ENTREP2: variants seen among roughly 807,000 people sequenced by gnomAD.
The protein encoded by ENTREP2 is protein ENTREP2.
the ENTREP2 span, among the ~76,000 whole-genome samples, chr15:29,413,105 A>G: frequency 3.3e-5 from 5 of 152,066 alleles, no homozygotes; most frequent in Non-Finnish European, 2.9e-5. Flanking sequence ...TTCTAACTTA[A>G]TTAAATTGTG....
the ENTREP2 span, among the ~76,000 whole-genome samples, chr15:29,202,879 C>CTT: frequency 6.6e-6 from 1 of 152,204 alleles, no homozygotes; most frequent in Non-Finnish European, 1.5e-5. Context: ...TTTATCCAGT[C>CTT]TATCATTGAT....
At chr15:29,312,091 A>C in the ENTREP2 span, among the ~76,000 whole-genome samples, 4 of 152,222 alleles carry the variant, frequency 2.6e-5, no homozygotes, top group Admixed American at 2.6e-4. Context: ...ACACATACCT[A>C]ACCTCAAAAG....
the ENTREP2 span, among the ~76,000 whole-genome samples, chr15:29,413,690 C>T: frequency 1.3e-5 from 2 of 152,140 alleles, no homozygotes; most frequent in South Asian, 4.1e-4. Flanking sequence ...ACCAAATTTT[C>T]TTACAGCTTT....
At chr15:29,171,242 T>C in the ENTREP2 span, among the ~76,000 whole-genome samples, 1 of 152,340 alleles carries the variant, frequency 6.6e-6, no homozygotes, top group East Asian at 1.9e-4. Flanking sequence ...CAGCCTGAAC[T>C]GATTAAGACA....
chr15:29,336,876 T>A, the ENTREP2 span, among the ~76,000 whole-genome samples: 1 of 151,952 alleles, frequency 6.6e-6, no homozygotes, highest in African/African-American at 2.4e-5. Flanking sequence ...TAATACCCCC[T>A]CCATCCCCAG....
At chr15:29,183,478 C>A in the ENTREP2 span, among the ~76,000 whole-genome samples, 1 of 152,288 alleles carries the variant, frequency 6.6e-6, no homozygotes, top group Non-Finnish European at 1.5e-5. Context: ...GCCGAGTGCA[C>A]ATCACTCCGC....
At chr15:29,150,899 CAGAG>C in the ENTREP2 span, among the ~76,000 whole-genome samples, 2 of 152,036 alleles carry the variant, frequency 1.3e-5, no homozygotes, top group African/African-American at 4.8e-5. Context: ...AATTGAGAGA[CAGAG>C]AGACAGAAAG....
chr15:29,344,931 G>GACACACACACACACAC, the ENTREP2 span, among the ~76,000 whole-genome samples: 31 of 142,604 alleles, frequency 2.2e-4, no homozygotes, highest in African/African-American at 7.4e-4. Flanking sequence ...CACGCGCGCA[G>GACACACACACACACAC]ACACACACAC....
At chr15:29,333,435 T>C in the ENTREP2 span, among the ~76,000 whole-genome samples, 1 of 151,876 alleles carries the variant, frequency 6.6e-6, no homozygotes, top group Non-Finnish European at 1.5e-5. Flanking sequence ...CCCGCCCCAC[T>C]TGACACAGGC....
chr15:29,626,196 T>A, the ENTREP2 span, among the ~76,000 whole-genome samples: 2 of 152,130 alleles, frequency 1.3e-5, no homozygotes, highest in African/African-American at 4.8e-5. Flanking sequence ...AACTTTGCTA[T>A]ACTCACTTAG....
chr15:29,533,323 C>T, the ENTREP2 span, among the ~76,000 whole-genome samples: 5 of 152,256 alleles, frequency 3.3e-5, no homozygotes, highest in Admixed American at 1.3e-4. Context: ...ATAAAAATTA[C>T]GCATTTTGGT....
the ENTREP2 span, among the ~76,000 whole-genome samples, chr15:29,224,051 A>G: frequency 7.4e-3 from 1,131 of 152,234 alleles, 10 homozygotes; most frequent in African/African-American, 0.026. Flanking sequence ...GGACCCTCAC[A>G]CTGAGTGTTA....
At chr15:29,195,461 T>G in the ENTREP2 span, 2 of 245,480 alleles carry the variant, frequency 8.1e-6, no homozygotes, top group African/African-American at 4.6e-5. Context: ...CCCTCCATAC[T>G]GCAAACACAA....
At chr15:29,147,301 T>C in the ENTREP2 span, among the ~76,000 whole-genome samples, 2 of 152,224 alleles carry the variant, frequency 1.3e-5, no homozygotes, top group African/African-American at 4.8e-5. Flanking sequence ...ATGTTCACCA[T>C]CATTAATTAT....
At chr15:29,591,832 G>GAGGAGA in the ENTREP2 span, among the ~76,000 whole-genome samples, 17 of 140,096 alleles carry the variant, frequency 1.2e-4, no homozygotes, top group Non-Finnish European at 2.0e-4. Flanking sequence ...CATCTCAAAA[G>GAGGAGA]AGAAGAAGAA....
At chr15:29,370,010 C>T in the ENTREP2 span, among the ~76,000 whole-genome samples, 3 of 152,050 alleles carry the variant, frequency 2.0e-5, no homozygotes, top group Non-Finnish European at 2.9e-5. Context: ...AACATCCCAG[C>T]CTGCAGAACC....
chr15:29,412,386 A>G, the ENTREP2 span, among the ~76,000 whole-genome samples: 1 of 152,152 alleles, frequency 6.6e-6, no homozygotes, highest in African/African-American at 2.4e-5. Flanking sequence ...GCTGAAGTAT[A>G]AAGATACAAT....
the ENTREP2 span, among the ~76,000 whole-genome samples, chr15:29,320,833 G>A: frequency 1.1e-4 from 16 of 151,926 alleles, no homozygotes; most frequent in Non-Finnish European, 1.5e-4. Context: ...AAACTAAAGT[G>A]CAAGAAAGAA....
At chr15:29,125,069 A>T in the ENTREP2 span, among the ~76,000 whole-genome samples, 46 of 152,292 alleles carry the variant, frequency 3.0e-4, no homozygotes, top group Non-Finnish European at 5.3e-4. Context: ...CCTGGAAGGC[A>T]TGTGCCTGCG....
Sources: gnomAD v4.1 joint callset for allele counts (sites outside exome capture counted in the v4.1 genomes callset) on GRCh38, gnomAD v4.1.1 for gene constraint, MANE v1.5 for transcripts, NCBI Gene and HGNC (gene_info 2026-07-23, HGNC 2026-07-21) for gene names.